ANKRD12: variants seen among roughly 807,000 people sequenced by gnomAD.
The protein encoded by ANKRD12 is ankyrin repeat domain 12.
Under a neutral mutation model 183.4 loss-of-function variants are expected in ANKRD12, and 85 were observed. The ratio of observed to expected loss-of-function variants is 0.46; its 90% confidence interval spans 0.39 to 0.56. ANKRD12 has a LOEUF of 0.56. Among genes scored for constraint, ANKRD12 ranks in the 20% least tolerant of loss-of-function variants. The pLI is 0.00. For missense variants in ANKRD12, 2,405 were observed against 2,357.1 expected, an observed-to-expected ratio of 1.02 and a Z score of -0.42; for synonymous variants, 914 against 800.2, an observed-to-expected ratio of 1.14 and a Z score of -2.40.
At chr18:9,141,215 TGTG>T (rs56166909) in intron 1 of ANKRD12, among the ~76,000 whole-genome samples, 117,839 of 151,110 alleles carry the variant, frequency 0.78, 46,228 homozygotes, top group Middle Eastern at 0.89. Context: ...TACTTGTTGC[TGTG>T]GTGGTGGTGG....
intron 8 of ANKRD12, among the ~76,000 whole-genome samples, chr18:9,237,024 G>T (rs1194897635): frequency 1.3e-5 from 2 of 151,986 alleles, no homozygotes; most frequent in Non-Finnish European, 2.9e-5. Flanking sequence ...AACATTTAAA[G>T]ATTTTAAAAG....
At chr18:9,168,062 T>C (rs1355189370) in intron 1 of ANKRD12, among the ~76,000 whole-genome samples, 1 of 152,232 alleles carries the variant, frequency 6.6e-6, no homozygotes, top group East Asian at 1.9e-4. Flanking sequence ...ATCCCAGGGA[T>C]GAAGCCCACT....
chr18:9,254,863 A>G lies in ANKRD12; in HGVS notation c.1596A>G (p.Ser532=). The G allele has an allele frequency of 6.6e-7, 1 of 1,524,376 alleles. No homozygotes were observed. Among genetic ancestry groups the G allele is most frequent in the Non-Finnish European group, 8.8e-7 (1 of 1,141,038 alleles). The allele number at this position is 1,524,376 out of a possible 1,614,324, so 94.4% of individuals were successfully genotyped here. A position where few individuals can be genotyped will look rare whatever the true frequency, so the allele number is the denominator to read the frequency against. ...RKSFSPKDDT[S]LHLFHISTGK... ...CTTTTAGCCCAAAAGATGATACTTC[A>G]TTACATTTATTTCATATTTCCACTG... The change falls in exon 9 of 13, where the codon TCA becomes TCG. Residue 532 remains serine, a synonymous_variant. Coordinates refer to ENST00000262126, the MANE Select transcript of ANKRD12 (RefSeq NM_015208.5).
In ANKRD12 at chr18:9,257,658, A is replaced by T; in HGVS notation, c.4391A>T (p.Asp1464Val). 6.2e-7 allele frequency: 1 copy of T among 1,613,864 alleles called. No homozygotes were observed. The highest frequency in any genetic ancestry group is 8.5e-7 in the Non-Finnish European group (1 of 1,179,920). The stretch of plus-strand genomic sequence containing the variant: ...AATAAGGTATTGAAAGAAAATGCTG[A>T]TTTTTTATCCCTGCGCCAGACTGAA... ...SENKVLKENA[D>V]FLSLRQTELP... Residue 1464 changes from aspartate (D) to valine (V), a missense_variant, in exon 9 of 13, where the codon GAT becomes GTT. Asp to Val is a radical substitution (Grantham distance 152). This residue lies in a region of ANKRD12 where 1,983 missense variants were observed against 1,725.9 expected (regional missense o/e 1.15). Coordinates refer to ENST00000262126, the MANE Select transcript of ANKRD12 (RefSeq NM_015208.5).
At chr18:9,190,822 A>G (rs1012745420) in intron 2 of ANKRD12, among the ~76,000 whole-genome samples, 2 of 152,236 alleles carry the variant, frequency 1.3e-5, no homozygotes, top group African/African-American at 4.8e-5. Context: ...CACACTTACT[A>G]GACTACATCA....
intron 1 of ANKRD12, among the ~76,000 whole-genome samples, chr18:9,171,737 G>C (rs1568249674): frequency 6.6e-6 from 1 of 152,028 alleles, no homozygotes; most frequent in African/African-American, 2.4e-5. Context: ...TAAGAATGTT[G>C]AGGCCAGGTG....
chr18:9,218,422 C>G (rs527321026), intron 7 of ANKRD12, among the ~76,000 whole-genome samples: 12 of 152,286 alleles, frequency 7.9e-5, no homozygotes, highest in African/African-American at 2.6e-4. Context: ...ACCAAAAATT[C>G]ATTTCTGTAT....
intron 1 of ANKRD12, among the ~76,000 whole-genome samples, chr18:9,162,125 G>A (rs2031504558): frequency 6.6e-6 from 1 of 152,036 alleles, no homozygotes; most frequent in Admixed American, 6.6e-5. Flanking sequence ...TTGCTGCACA[G>A]ATCAACCCAT....
intron 8 of ANKRD12, among the ~76,000 whole-genome samples, chr18:9,242,442 TA>T (rs2037716813): frequency 7.3e-6 from 1 of 136,164 alleles, no homozygotes. Context: ...ACCTTTGGCT[TA>T]AAAATATTAT....
chr18:9,236,657 C>CAT (rs10674926), intron 8 of ANKRD12, among the ~76,000 whole-genome samples: 119,144 of 151,766 alleles, frequency 0.79, 47,018 homozygotes, highest in Middle Eastern at 0.88. Context: ...ACAGAACTAA[C>CAT]GTGTATAATA....
At chr18:9,259,046 C>T (rs776668558) in intron 9 of ANKRD12, 115 bp downstream of exon 9, 57 of 1,222,244 alleles carry the variant, frequency 4.7e-5, no homozygotes, top group Non-Finnish European at 1.0e-5. Context: ...GCAAAATAAT[C>T]TGTCAGTGAG....
At chr18:9,221,163 A>G (rs545905977) in intron 7 of ANKRD12, among the ~76,000 whole-genome samples, 10 of 152,364 alleles carry the variant, frequency 6.6e-5, no homozygotes, top group Admixed American at 6.5e-5. Flanking sequence ...GGTTAAAACT[A>G]TGAAAGGAAG....
chr18:9,211,368 AT>A (rs368955405), intron 5 of ANKRD12, among the ~76,000 whole-genome samples: 1,612 of 152,104 alleles, frequency 0.011, 33 homozygotes, highest in African/African-American at 0.037. Context: ...TTGACAAAAC[AT>A]TTTTTTTAAT....
chr18:9,244,282 C>A (rs2037826609), intron 8 of ANKRD12, among the ~76,000 whole-genome samples: 2 of 152,144 alleles, frequency 1.3e-5, no homozygotes, highest in African/African-American at 4.8e-5. Flanking sequence ...ACTTTCTATT[C>A]TTTTTCTGGA....
At chr18:9,275,458 G>C (rs942913938) in intron 10 of ANKRD12, 66 bp from the exon 11 acceptor site, 1 of 1,480,226 alleles carries the variant, frequency 6.8e-7, no homozygotes, top group Admixed American at 1.7e-5. Flanking sequence ...AGGCGAGAGA[G>C]TAAGACTGTT....
At chr18:9,279,740 G>A in intron 12 of ANKRD12, 96 bp downstream of exon 12, 4 of 662,986 alleles carry the variant, frequency 6.0e-6, no homozygotes, top group South Asian at 2.2e-5. Flanking sequence ...AATTAGGAGG[G>A]GAAATACTGG....
intron 9 of ANKRD12, among the ~76,000 whole-genome samples, chr18:9,262,388 G>A (rs1483748932): frequency 6.6e-6 from 1 of 152,120 alleles, no homozygotes; most frequent in Non-Finnish European, 1.5e-5. Flanking sequence ...TTCTCCAAGG[G>A]GTAGAAAAAG....
At chr18:9,160,769 G>A (rs1444827317) in intron 1 of ANKRD12, among the ~76,000 whole-genome samples, 3 of 152,188 alleles carry the variant, frequency 2.0e-5, no homozygotes, top group African/African-American at 7.2e-5. Context: ...AAATTGTAAT[G>A]TTCTAGAAGC....
rs1012072695 is a variant in ANKRD12, at chr18:9,283,295, T to C, written c.*2169T>C. On this transcript the variant is annotated 3_prime_UTR_variant, in exon 13 of 13. Transcript: ENST00000262126. ...AAGATAAAAGCGACAAGAAGGAATC[T>C]GGTGAATTTTAGTCATCCCAGCTTT... 5 of 152,188 alleles carry C rather than the reference T, an allele frequency of 3.3e-5. No homozygotes were observed. In the East Asian group the frequency reaches 9.6e-4, roughly 29 times the overall value. 9.4% of individuals were successfully genotyped at this position (152,188 alleles called of 1,614,324 possible).
Sources: allele counts gnomAD v4.1 joint callset (sites outside exome capture counted in the v4.1 genomes callset), GRCh38; gene constraint gnomAD v4.1.1; regional missense constraint gnomAD v4.1.1; transcripts MANE v1.5; gene names NCBI Gene and HGNC (gene_info 2026-07-23, HGNC 2026-07-21).